ESRRG: variants seen among roughly 807,000 people sequenced by gnomAD.
ESRRG encodes the protein estrogen-related receptor gamma.
ESRRG carries 13 observed loss-of-function variants against 44.0 expected under a neutral mutation model. The ratio of observed to expected loss-of-function variants is 0.30; its 90% confidence interval spans 0.19 to 0.47. The LOEUF is 0.47. Ranked by LOEUF, ESRRG falls within the 20% of genes least tolerant of loss-of-function variation. The pLI is 1.00. For missense variants in ESRRG, 395 were observed against 580.6 expected (o/e 0.68, Z 3.29); for synonymous variants, 215 against 214.6 (o/e 1.00, Z -0.02).
chr1:216,700,029 G>C (rs959226177), intron 1 of ESRRG, among the ~76,000 whole-genome samples: 13 of 152,022 alleles, frequency 8.6e-5, no homozygotes, highest in Admixed American at 8.5e-4. Flanking sequence ...TTTAATGGAT[G>C]TATCAGTCAT....
rs1205489663 is a variant in ESRRG, at chr1:216,504,690, G to T, written c.*2249C>A. ...TGATTGAGTGAAAGCCATATATACAGCATTTAAAAATTAGACTTATCTATA... is the reference window on the plus strand; with the variant it reads ...TGATTGAGTGAAAGCCATATATACATCATTTAAAAATTAGACTTATCTATA... On this transcript the variant is annotated 3_prime_UTR_variant, in exon 7 of 7. Transcript: ENST00000408911. 1 of 152,530 alleles carries T rather than the reference G, an allele frequency of 6.6e-6. No individual in the cohort carries two copies. The highest frequency in any genetic ancestry group is 6.5e-5 in the Admixed American group (1 of 15,276). The allele number at this position is 152,530 out of a possible 1,614,324, so 9.4% of individuals were successfully genotyped here. A position where few individuals can be genotyped will look rare whatever the true frequency, so the allele number is the denominator to read the frequency against.
intron 2 of ESRRG, chr1:216,855,158 A>G (rs1577279803): frequency 6.6e-6 from 1 of 152,134 alleles, no homozygotes; most frequent in East Asian, 1.9e-4. Context: ...TTTTTTCAAA[A>G]TCATTTAGGA....
chr1:216,772,783 C>T (rs1482628159), intron 2 of ESRRG, among the ~76,000 whole-genome samples: 2 of 151,722 alleles, frequency 1.3e-5, no homozygotes, highest in African/African-American at 4.8e-5. Flanking sequence ...ATCTGACCCA[C>T]TGTCAGATTA....
At chr1:216,663,133 G>A (rs554509042) in intron 2 of ESRRG, among the ~76,000 whole-genome samples, 1 of 152,296 alleles carries the variant, frequency 6.6e-6, no homozygotes, top group Admixed American at 6.5e-5. Context: ...TTTACTTTAA[G>A]TATCACAAAA....
intron 1 of ESRRG, among the ~76,000 whole-genome samples, chr1:217,009,248 T>C (rs1196208567): frequency 6.6e-6 from 1 of 152,092 alleles, no homozygotes; most frequent in Non-Finnish European, 1.5e-5. Flanking sequence ...GATCTATATA[T>C]TGGTCGACTT....
chr1:216,589,789 A>G (rs376149624), intron 3 of ESRRG, among the ~76,000 whole-genome samples: 325 of 150,888 alleles, frequency 2.2e-3, no homozygotes, highest in African/African-American at 7.0e-3. Context: ...CTGTACTCCC[A>G]GATACTAGAG....
intron 5 of ESRRG, among the ~76,000 whole-genome samples, chr1:216,548,556 G>T (rs2055276658): frequency 6.6e-6 from 1 of 152,004 alleles, no homozygotes; most frequent in Admixed American, 6.6e-5. Context: ...ACATACATTT[G>T]ACACCTTGAC....
chr1:216,578,806 T>C (rs955386636), intron 3 of ESRRG, among the ~76,000 whole-genome samples: 6 of 152,076 alleles, frequency 3.9e-5, no homozygotes, highest in African/African-American at 1.4e-4. Context: ...CAGAGCACAT[T>C]CTCAGCTGCC....
At chr1:216,807,160 T>C (rs546118121) in intron 2 of ESRRG, among the ~76,000 whole-genome samples, 1 of 152,312 alleles carries the variant, frequency 6.6e-6, no homozygotes, top group South Asian at 2.1e-4. Context: ...AACTAGCTTC[T>C]GGTTTGGAGA....
rs1255748080 is a variant in ESRRG at position 216,821,692 on chromosome 1, ATAAATAAAT to A, written c.-14+117881_-14+117889del. On this transcript the variant is annotated intron_variant, in intron 2 of 7. Coordinates refer to the ESRRG transcript ENST00000359162. ...AGAACAAGAACCTGCCTCAGGAAAA[ATAAATAAAT>A]AAATAAATAAATAAATAAATAAATA... Among the ~76,000 whole-genome samples, 73 of 54,140 alleles carry A rather than the reference ATAAATAAAT, an allele frequency of 1.3e-3. 8 individuals are homozygous for A. Among genetic ancestry groups the A allele is most frequent in the Admixed American group, 7.3e-3 (40 of 5,500 alleles). The allele number at this position is 54,140 out of a possible 152,430, so 35.5% of individuals were successfully genotyped here.
chr1:216,646,656 G>A (rs993399780), intron 3 of ESRRG, among the ~76,000 whole-genome samples: 1 of 152,164 alleles, frequency 6.6e-6, no homozygotes, highest in African/African-American at 2.4e-5. Flanking sequence ...TCAACCTGCA[G>A]TATCTCATTG....
rs996711641 is a variant in ESRRG at position 216,527,538 on chromosome 1, T to G, written c.863-8117A>C. On this transcript the variant is annotated intron_variant, in intron 5 of 6. Transcript: ENST00000408911. Reference sequence around the variant, plus strand: ...TTCCTGCCATATTTCCTAAAAAATCTTCCTCTAGTAATTCCTCCATGGATG... The same window carrying G: ...TTCCTGCCATATTTCCTAAAAAATCGTCCTCTAGTAATTCCTCCATGGATG... 2.0e-5 allele frequency among the ~76,000 whole-genome samples: 3 copies of G among 151,890 alleles called. No homozygotes were observed. The South Asian group carries it at 6.2e-4, about 32-fold the overall frequency.
chr1:216,575,389 C>T (rs2061516881), intron 3 of ESRRG, among the ~76,000 whole-genome samples: 1 of 152,054 alleles, frequency 6.6e-6, no homozygotes, highest in Admixed American at 6.6e-5. Context: ...GTCTTTAACT[C>T]ATCATACCTA....
chr1:216,707,751 C>T (rs1204895667), intron 1 of ESRRG, among the ~76,000 whole-genome samples: 1 of 152,086 alleles, frequency 6.6e-6, no homozygotes, highest in African/African-American at 2.4e-5. Flanking sequence ...GTTCAATGCA[C>T]TAAATTGAGA....
At chr1:217,087,319 G>A (rs2092139655) in intron 1 of ESRRG, among the ~76,000 whole-genome samples, 1 of 152,190 alleles carries the variant, frequency 6.6e-6, no homozygotes. Context: ...TTCTCATGCT[G>A]ATTCACATTC....
chr1:216,600,805 T>A (rs946941590), intron 3 of ESRRG, among the ~76,000 whole-genome samples: 3 of 152,168 alleles, frequency 2.0e-5, no homozygotes, highest in African/African-American at 7.2e-5. Flanking sequence ...TGTTTTGAAA[T>A]GTACGCACAA....
At chr1:217,060,649 T>G (rs1425066247) in intron 1 of ESRRG, among the ~76,000 whole-genome samples, 1 of 152,100 alleles carries the variant, frequency 6.6e-6, no homozygotes, top group African/African-American at 2.4e-5. Context: ...CCACTCACTG[T>G]GCCATGCATA....
intron 1 of ESRRG, among the ~76,000 whole-genome samples, chr1:217,102,526 G>C: frequency 6.6e-6 from 1 of 152,028 alleles, no homozygotes; most frequent in East Asian, 1.9e-4. Context: ...CGTACTGCCT[G>C]GGCTAATGAA....
At chr1:216,603,948 A>AC (rs1553406168) in intron 3 of ESRRG, among the ~76,000 whole-genome samples, 24 of 131,136 alleles carry the variant, frequency 1.8e-4, no homozygotes, top group Non-Finnish European at 3.4e-4. Flanking sequence ...AAAAAAACAA[A>AC]AAAAAAAAAA....
Sources: gnomAD v4.1 joint callset for allele counts (sites outside exome capture counted in the v4.1 genomes callset) on GRCh38, gnomAD v4.1.1 for gene constraint, MANE v1.5 for transcripts, NCBI Gene and HGNC (gene_info 2026-07-23, HGNC 2026-07-21) for gene names.